Variants in NLGN4X observed in about 807,000 individuals in gnomAD.
The protein encoded by NLGN4X is neuroligin 4 X-linked.
NLGN4X carries 3 observed loss-of-function variants against 40.3 expected under a neutral mutation model. The observed-to-expected ratio is 0.07, with a 90% CI of 0.03 to 0.19. The LOEUF is 0.19. Among genes scored for constraint, NLGN4X ranks in the 10% least tolerant of loss-of-function variants. The pLI is 1.00. For synonymous variants in NLGN4X, 270 were observed against 306.8 expected (o/e 0.88, Z 1.25); for missense variants, 382 against 708.3 (o/e 0.54, Z 5.23).
chrX:6,174,305 G>C (rs2040675464), intron 1 of NLGN4X, among the ~76,000 whole-genome samples: 1 of 110,885 alleles, frequency 9.0e-6, no homozygotes, highest in Non-Finnish European at 1.9e-5. Context: ...CAGAGAAAAA[G>C]GGAACACTTA....
chrX:6,200,604 T>A (rs1192180620), intron 1 of NLGN4X, among the ~76,000 whole-genome samples: 1 of 110,173 alleles, frequency 9.1e-6, no homozygotes, highest in Non-Finnish European at 1.9e-5. Context: ...GGGCCAAAGA[T>A]AAGTAATGTC....
intron 2 of NLGN4X, among the ~76,000 whole-genome samples, chrX:6,129,607 T>C (rs1447978227): frequency 1.8e-5 from 2 of 111,924 alleles, no homozygotes; most frequent in Admixed American, 1.9e-4. Context: ...GGGCTTCATG[T>C]ATCCTTATTT....
intron 3 of NLGN4X, among the ~76,000 whole-genome samples, chrX:5,989,895 T>A (rs2035631707): frequency 9.0e-6 from 1 of 111,324 alleles, no homozygotes; most frequent in Non-Finnish European, 1.9e-5. Context: ...CAGTAAGAGA[T>A]TAACAACAAT....
chrX:5,913,087 G>T (rs1026782087), intron 3 of NLGN4X, among the ~76,000 whole-genome samples: 28 of 107,053 alleles, frequency 2.6e-4, no homozygotes, highest in African/African-American at 9.7e-4. Context: ...AGGAAGGAAG[G>T]AGGGAAGGAA....
chrX:6,097,745 ACACT>A (rs1333634447), intron 2 of NLGN4X, among the ~76,000 whole-genome samples: 1 of 111,694 alleles, frequency 9.0e-6, no homozygotes, highest in Non-Finnish European at 1.9e-5. Context: ...TAGTTCAGGG[ACACT>A]CCCTCATTCG....
At chrX:6,214,433 G>A (rs1018470790) in intron 1 of NLGN4X, among the ~76,000 whole-genome samples, 12 of 111,873 alleles carry the variant, frequency 1.1e-4, no homozygotes, top group African/African-American at 3.9e-4. Context: ...CTTTGAAGCT[G>A]AGGATTTCAA....
intron 1 of NLGN4X, among the ~76,000 whole-genome samples, chrX:6,173,422 A>G (rs2040651190): frequency 9.0e-6 from 1 of 111,730 alleles, no homozygotes; most frequent in Non-Finnish European, 1.9e-5. Context: ...AGGTCATACA[A>G]ACCAGACCCC....
rs771243360 is a variant in NLGN4X, at chrX:5,905,071, CA to C, written c.812-1206del. 3.4e-3 allele frequency among the ~76,000 whole-genome samples: 275 copies of C among 80,798 alleles called. 1 individual carries two copies. Among genetic ancestry groups the C allele is most frequent in the African/African-American group, 8.3e-3 (194 of 23,450 alleles). 70.2% of individuals were successfully genotyped at this position (80,798 alleles called of 115,157 possible). A position where few individuals can be genotyped will look rare whatever the true frequency, so the allele number is the denominator to read the frequency against. ...GCTCTGAAGATTATTTTAAAATGTC[CA>C]AAAAAAAAAAAACCAAAAGAGAAAG... On this transcript the variant is annotated intron_variant, in intron 4 of 5. Coordinates refer to ENST00000381095, the MANE Select transcript of NLGN4X (RefSeq NM_181332.3).
intron 1 of NLGN4X, among the ~76,000 whole-genome samples, chrX:6,188,707 C>T (rs1485525429): frequency 9.0e-6 from 1 of 111,157 alleles, no homozygotes; most frequent in Non-Finnish European, 1.9e-5. Context: ...CTTACAGGCC[C>T]CTAGAATTAT....
At chrX:6,025,837 G>A (rs1458935757) in intron 3 of NLGN4X, among the ~76,000 whole-genome samples, 3 of 107,274 alleles carry the variant, frequency 2.8e-5, no homozygotes. Context: ...CCGGGAGGCA[G>A]AGGTTGCAGT....
intron 2 of NLGN4X, among the ~76,000 whole-genome samples, chrX:6,050,342 CCTGT>C (rs747265455): frequency 1.8e-5 from 2 of 111,558 alleles, no homozygotes; most frequent in African/African-American, 3.3e-5. Context: ...CTATCATCTA[CCTGT>C]CTATCTATCC....
intron 2 of NLGN4X, among the ~76,000 whole-genome samples, chrX:6,076,350 T>G (rs1431175109): frequency 8.9e-6 from 1 of 111,764 alleles, no homozygotes; most frequent in Non-Finnish European, 1.9e-5. Flanking sequence ...CCTATGTTAG[T>G]CCTATCAAAA....
chrX:6,082,946 GCGTTTTTTTCTTTTTTT>G (rs1569227302), intron 2 of NLGN4X, among the ~76,000 whole-genome samples: 1 of 69,524 alleles, frequency 1.4e-5, no homozygotes, highest in Non-Finnish European at 3.3e-5. Context: ...TTGCCATGAT[GCGTTTTTTTCTTTTTTT>G]TTTTTTTTTT....
At chrX:5,971,825 G>A (rs778582139) in intron 3 of NLGN4X, among the ~76,000 whole-genome samples, 1 of 111,535 alleles carries the variant, frequency 9.0e-6, no homozygotes, top group Admixed American at 9.5e-5. Context: ...GGATAAGAGG[G>A]ACAACAGTAT....
intron 3 of NLGN4X, among the ~76,000 whole-genome samples, chrX:6,003,914 C>T (rs2036036001): frequency 9.0e-6 from 1 of 111,343 alleles, no homozygotes; most frequent in South Asian, 3.8e-4. Context: ...CTTGCTGGTG[C>T]CCAAAATTGT....
intron 3 of NLGN4X, among the ~76,000 whole-genome samples, chrX:5,919,540 G>C (rs1443621080): frequency 3.6e-5 from 4 of 111,146 alleles, no homozygotes; most frequent in Non-Finnish European, 7.5e-5. Context: ...GGAGGTGAGT[G>C]GTGGGCAAGC....
At chrX:6,089,224 G>A (rs2038575616) in intron 2 of NLGN4X, among the ~76,000 whole-genome samples, 1 of 112,059 alleles carries the variant, frequency 8.9e-6, no homozygotes, top group South Asian at 3.7e-4. Flanking sequence ...CTCAATAAAT[G>A]TAGGTAGCTG....
intron 1 of NLGN4X, among the ~76,000 whole-genome samples, chrX:6,193,216 T>C (rs1349156693): frequency 5.4e-5 from 6 of 110,195 alleles, no homozygotes; most frequent in African/African-American, 2.0e-4. Flanking sequence ...GGTCAGGAGA[T>C]CGAGACCACG....
intron 2 of NLGN4X, chrX:6,032,724 C>T (rs748907398): frequency 1.7e-6 from 2 of 1,189,745 alleles, no homozygotes; most frequent in Admixed American, 2.2e-5. Flanking sequence ...CTCGTTATAT[C>T]ATCTGCGTTT....
Sources: allele counts gnomAD v4.1 joint callset (sites outside exome capture counted in the v4.1 genomes callset), GRCh38; gene constraint gnomAD v4.1.1; transcripts MANE v1.5; gene names NCBI Gene and HGNC (gene_info 2026-07-23, HGNC 2026-07-21).